TOGARAM1: variants seen among roughly 807,000 people sequenced by gnomAD.
TOGARAM1 encodes TOG array regulator of axonemal microtubules protein 1.
A neutral mutation model predicts 166.6 loss-of-function variants in TOGARAM1; 100 were observed. The observed-to-expected ratio is 0.60, with a 90% CI of 0.51 to 0.71. The LOEUF is 0.71. Among genes scored for constraint, TOGARAM1 ranks in the 30% least tolerant of loss-of-function variants. The probability of loss-of-function intolerance (pLI) is 0.00; values close to 1 mark genes in which losing one functional copy is unlikely to be tolerated. For missense variants in TOGARAM1, 2,029 were observed against 2,102.7 expected (o/e 0.96, Z 0.69); for synonymous variants, 758 against 763.8 (o/e 0.99, Z 0.13).
chr14:44,966,147 G>T (rs903081184), intron 1 of TOGARAM1, among the ~76,000 whole-genome samples: 1 of 151,500 alleles, frequency 6.6e-6, no homozygotes, highest in African/African-American at 2.4e-5. Context: ...TTACAGGCGT[G>T]AGCCACCATA....
Position 44,963,848 on chromosome 14 carries a change from T to A in TOGARAM1, c.1427T>A (p.Leu476Gln), listed in dbSNP as rs981006167. The change falls in exon 1 of 20, where the codon CTG becomes CAG. Residue 476 changes from leucine (L) to glutamine (Q), a missense_variant. Around this residue, in one of 2 missense-constraint regions of TOGARAM1, gnomAD observed 1,453 missense variants for 1,432.2 expected, o/e 1.01. Coordinates refer to ENST00000361462, the MANE Select transcript of TOGARAM1 (RefSeq NM_001308120.2). ...CCTCAGCAGGTGCTTTGTTTACTCC[T>A]GGAACATCTCAAACATAAGCATTCC... is the stretch of plus-strand genomic sequence containing the variant. ...VGPQQVLCLL[L>Q]EHLKHKHSRV... is the part of the protein sequence containing the mutation. 6.2e-7 allele frequency: 1 copy of A among 1,614,164 alleles called. No homozygotes were observed. Among genetic ancestry groups the A allele is most frequent in the Admixed American group, 1.7e-5 (1 of 60,026 alleles).
intron 8 of TOGARAM1, 114 bp from the exon 9 acceptor site, chr14:45,027,185 T>C: frequency 1.0e-6 from 1 of 965,126 alleles, no homozygotes; most frequent in Non-Finnish European, 1.6e-6. Flanking sequence ...AGCATGTTTT[T>C]CTTACTAACT....
At chr14:45,042,433 A>G (rs113243971) in intron 11 of TOGARAM1, 1 of 149,684 alleles carries the variant, frequency 6.7e-6, no homozygotes, top group Non-Finnish European at 1.5e-5. Flanking sequence ...AAGAAGATGT[A>G]TCAGTCCTAA....
intron 1 of TOGARAM1, among the ~76,000 whole-genome samples, chr14:44,967,617 A>C (rs1354404742): frequency 6.6e-6 from 1 of 152,234 alleles, no homozygotes; most frequent in Admixed American, 6.5e-5. Context: ...AGAGACACTG[A>C]TTATGTGAAA....
Position 45,009,071 on chromosome 14 carries a change from C to T in TOGARAM1, c.3063C>T (p.Tyr1021=). The change falls in exon 6 of 20, where the codon TAC becomes TAT. Residue 1021 remains tyrosine, a synonymous_variant. Transcript: ENST00000361462. ...SLSSSPNINS[Y]SESGVYSQES... ...CTTCCTCACCAAACATCAATTCTTACAGTGAAAGTGGAGTTTACAGCCAAG... is the reference window on the plus strand; with the variant it reads ...CTTCCTCACCAAACATCAATTCTTATAGTGAAAGTGGAGTTTACAGCCAAG... 1.2e-6 allele frequency: 2 copies of T among 1,614,056 alleles called. No individual in the cohort carries two copies. Among genetic ancestry groups the T allele is most frequent in the Non-Finnish European group, 1.7e-6 (2 of 1,179,986 alleles).
intron 13 of TOGARAM1, among the ~76,000 whole-genome samples, 194 bp from the exon 14 acceptor site, chr14:45,046,351 A>G (rs569437675): frequency 6.6e-6 from 1 of 152,162 alleles, no homozygotes; most frequent in Non-Finnish European, 1.5e-5. Flanking sequence ...CAGGAGGATC[A>G]CTTGAACCCA....
At chr14:44,999,255 C>T in intron 2 of TOGARAM1, 108 bp from the exon 3 acceptor site, 1 of 1,187,794 alleles carries the variant, frequency 8.4e-7, no homozygotes, top group Non-Finnish European at 1.2e-6. Context: ...TACTTAAACA[C>T]TTATATTTAT....
At position 45,048,395 on chromosome 14, in the gene TOGARAM1, G is replaced by A. The variant is rs184816956; in HGVS notation, c.4313+1692G>A. Among the ~76,000 whole-genome samples, 174 of 151,094 alleles carry A rather than the reference G, an allele frequency of 1.2e-3. 1 individual carries two copies. Among genetic ancestry groups the A allele is most frequent in the African/African-American group, 4.0e-3 (166 of 41,222 alleles). On this transcript the variant is annotated intron_variant, in intron 14 of 19. Coordinates refer to ENST00000361462, the MANE Select transcript of TOGARAM1 (RefSeq NM_001308120.2). ...ATTAAAGTAAAGAAGTATATAAAATGTTTATTATTTTAAGACAAAGATGTT... is the reference window on the plus strand; with the variant it reads ...ATTAAAGTAAAGAAGTATATAAAATATTTATTATTTTAAGACAAAGATGTT...
At chr14:45,041,762 T>C (rs111629109) in intron 11 of TOGARAM1, among the ~76,000 whole-genome samples, 3,382 of 152,298 alleles carry the variant, frequency 0.022, 71 homozygotes, top group Non-Finnish European at 0.033. Context: ...GTTGACTTTT[T>C]TTTGTCTTTG....
intron 2 of TOGARAM1, chr14:44,997,409 A>G (rs1887472002): frequency 6.7e-6 from 1 of 148,280 alleles, no homozygotes; most frequent in Non-Finnish European, 1.5e-5. Flanking sequence ...CATCTCAAAA[A>G]AAAAAAAAAA....
chr14:44,976,144 C>T (rs1159313633), intron 1 of TOGARAM1, among the ~76,000 whole-genome samples: 1 of 152,168 alleles, frequency 6.6e-6, no homozygotes, highest in Non-Finnish European at 1.5e-5. Context: ...CTTTGATTAA[C>T]ATCTTTCATT....
In TOGARAM1 at chr14:45,044,850, T is replaced by C. The variant is rs1331638131; in HGVS notation, c.4134T>C (p.Ser1378=). ...NNVTPARAVV[S]LINGGQSHLH... ...TAACTCCTGCACGTGCAGTTGTTTC[T>C]CTTATCAATGGTGGACAAAGGTAAT... The change falls in exon 13 of 20, where the codon TCT becomes TCC. Residue 1378 remains serine, a synonymous_variant. Coordinates refer to ENST00000361462, the MANE Select transcript of TOGARAM1 (RefSeq NM_001308120.2). The C allele has an allele frequency of 6.2e-7, 1 of 1,612,048 alleles. No individual in the cohort carries two copies. The highest frequency in any genetic ancestry group is 1.7e-5 in the Admixed American group (1 of 59,738).
chr14:45,044,727 A>G lies in TOGARAM1; in HGVS notation c.4011A>G (p.Leu1337=). 6.2e-7 allele frequency: 1 copy of G among 1,614,072 alleles called. No homozygotes were observed. Among genetic ancestry groups the G allele is most frequent in the Non-Finnish European group, 8.5e-7 (1 of 1,179,978 alleles). The stretch of plus-strand genomic sequence containing the variant: ...TGAAAAAGAGCATGGATCAAGAGCT[A>G]GATACCACAGTAAAAGTTTTGTTGC... ...TYLKKSMDQE[L]DTTVKVLLHK... is the part of the protein sequence containing the mutation. The change falls in exon 13 of 20, where the codon CTA becomes CTG. Residue 1337 remains leucine, a synonymous_variant. Transcript: ENST00000361462.
intron 14 of TOGARAM1, 42 bp downstream of exon 14, chr14:45,046,745 G>A: frequency 4.0e-6 from 5 of 1,237,086 alleles, no homozygotes; most frequent in Non-Finnish European, 5.1e-6. Flanking sequence ...TATTAATAAG[G>A]GCTTAAAAGT....
At chr14:44,967,241 T>C (rs1373010630) in intron 1 of TOGARAM1, among the ~76,000 whole-genome samples, 1 of 152,190 alleles carries the variant, frequency 6.6e-6, no homozygotes, top group African/African-American at 2.4e-5. Flanking sequence ...AAACTAGTAC[T>C]GCAGGGTTCT....
At position 45,052,348 on chromosome 14, in the gene TOGARAM1, T is replaced by C. The variant is rs1882414364; in HGVS notation, c.4314-88T>C. The C allele has an allele frequency of 2.7e-6, 3 of 1,114,116 alleles. No individual in the cohort carries two copies. In the South Asian group the frequency reaches 5.0e-5, roughly 19 times the overall value. 69.0% of individuals were successfully genotyped at this position (1,114,116 alleles called of 1,614,324 possible). A position where few individuals can be genotyped will look rare whatever the true frequency, so the allele number is the denominator to read the frequency against. Reference sequence around the variant, plus strand: ...TAATCTTGATGTTTGATAGGTGTTTTTTTTCTATTGAAACAATGCATCTAA... The same window carrying C: ...TAATCTTGATGTTTGATAGGTGTTTCTTTTCTATTGAAACAATGCATCTAA... On this transcript the variant is annotated intron_variant, in intron 14 of 19. Coordinates refer to ENST00000361462, the MANE Select transcript of TOGARAM1 (RefSeq NM_001308120.2).
chr14:44,967,925 A>AT (rs60583808), intron 1 of TOGARAM1, among the ~76,000 whole-genome samples: 7,037 of 152,014 alleles, frequency 0.046, 537 homozygotes, highest in African/African-American at 0.16. Context: ...GGTAGTGATG[A>AT]TTTTTTTTAA....
rs188862325 is a variant in TOGARAM1, at chr14:45,063,524, G to A, written c.4560-3054G>A. 9.3e-4 allele frequency among the ~76,000 whole-genome samples: 123 copies of A among 132,882 alleles called. No homozygotes were observed. In the Middle Eastern group the frequency reaches 0.018, roughly 19 times the overall value. 87.2% of individuals were successfully genotyped at this position (132,882 alleles called of 152,430 possible). A position where few individuals can be genotyped will look rare whatever the true frequency, so the allele number is the denominator to read the frequency against. Reference sequence around the variant, plus strand: ...TTTGGAGACAGAGTCTCGCACTGTCGCCCAAGGTGGAGTACAGTGGCGTGA... The same window carrying A: ...TTTGGAGACAGAGTCTCGCACTGTCACCCAAGGTGGAGTACAGTGGCGTGA... On this transcript the variant is annotated intron_variant, in intron 16 of 19. Coordinates refer to ENST00000361462, the MANE Select transcript of TOGARAM1 (RefSeq NM_001308120.2).
At chr14:45,004,642 G>T (rs979921941) in intron 4 of TOGARAM1, among the ~76,000 whole-genome samples, 1 of 152,042 alleles carries the variant, frequency 6.6e-6, no homozygotes, top group Non-Finnish European at 1.5e-5. Flanking sequence ...ATAGAGATAG[G>T]GTCCTACTAT....
Sources: allele counts gnomAD v4.1 joint callset (sites outside exome capture counted in the v4.1 genomes callset), GRCh38; gene constraint gnomAD v4.1.1; regional missense constraint gnomAD v4.1.1; transcripts MANE v1.5; gene names NCBI Gene and HGNC (gene_info 2026-07-23, HGNC 2026-07-21).